Variants in MSRA observed in about 807,000 individuals in gnomAD.
MSRA encodes the protein methionine sulfoxide reductase A.
In MSRA, 54 loss-of-function variants were observed where a neutral mutation model predicts 31.3. The observed-to-expected ratio is 1.73, with a 90% CI of 1.39 to 2.17. MSRA has a LOEUF of 2.17. Ranked by LOEUF, MSRA falls within the 30% of genes most tolerant of loss-of-function variation. MSRA has a pLI of 0.00. For synonymous variants in MSRA, 169 were observed against 116.5 expected (o/e 1.45, Z -2.90); for missense variants, 507 against 300.9 (o/e 1.69, Z -5.07).
At chr8:10,418,391 G>A (rs555538628) in intron 5 of MSRA, among the ~76,000 whole-genome samples, 2 of 152,236 alleles carry the variant, frequency 1.3e-5, no homozygotes, top group South Asian at 2.1e-4. Flanking sequence ...AATATGCACC[G>A]CTGAGTGGAT....
intron 1 of MSRA, among the ~76,000 whole-genome samples, chr8:10,057,993 C>G (rs1025954693): frequency 1.3e-5 from 2 of 152,132 alleles, no homozygotes; most frequent in Non-Finnish European, 2.9e-5. Flanking sequence ...TGAATCTTAC[C>G]TTTTTATAGA....
At chr8:10,332,741 T>C (rs1802778669) in intron 5 of MSRA, among the ~76,000 whole-genome samples, 1 of 152,210 alleles carries the variant, frequency 6.6e-6, no homozygotes, top group Non-Finnish European at 1.5e-5. Context: ...GATTGCCCTT[T>C]CTTGCACTGT....
intron 5 of MSRA, among the ~76,000 whole-genome samples, chr8:10,366,669 C>G (rs911499050): frequency 2.6e-5 from 4 of 152,188 alleles, no homozygotes; most frequent in African/African-American, 7.2e-5. Context: ...GTAACAGTAC[C>G]TGCTACACTG....
At chr8:10,315,298 C>G (rs1773542360) in intron 4 of MSRA, among the ~76,000 whole-genome samples, 1 of 152,128 alleles carries the variant, frequency 6.6e-6, no homozygotes, top group Non-Finnish European at 1.5e-5. Context: ...CTGAATGTGT[C>G]CGTGTGCTAA....
intron 1 of MSRA, among the ~76,000 whole-genome samples, chr8:10,128,232 A>G (rs1365728927): frequency 6.6e-6 from 1 of 152,130 alleles, no homozygotes; most frequent in East Asian, 1.9e-4. Context: ...TCAAAACATT[A>G]GCCAGGCGTG....
At chr8:10,218,529 T>TCTGCAGAAC (rs1810206192) in intron 2 of MSRA, among the ~76,000 whole-genome samples, 1 of 152,222 alleles carries the variant, frequency 6.6e-6, no homozygotes, top group Non-Finnish European at 1.5e-5. Flanking sequence ...TGCAAGATAT[T>TCTGCAGAAC]CTAATTCTAG....
intron 5 of MSRA, among the ~76,000 whole-genome samples, chr8:10,324,939 A>G (rs1802275475): frequency 6.6e-6 from 1 of 152,220 alleles, no homozygotes; most frequent in African/African-American, 2.4e-5. Context: ...ACTGTGTGCC[A>G]GGGCAGGAGG....
intron 5 of MSRA, among the ~76,000 whole-genome samples, chr8:10,419,361 C>T (rs1405523914): frequency 6.6e-6 from 1 of 152,168 alleles, no homozygotes; most frequent in Non-Finnish European, 1.5e-5. Context: ...TTGAGTAAGG[C>T]ATGTGAATTT....
intron 1 of MSRA, among the ~76,000 whole-genome samples, chr8:10,076,560 C>T (rs814411): frequency 0.22 from 32,966 of 152,100 alleles, 3,719 homozygotes; most frequent in Admixed American, 0.27. Context: ...TACGCAGCTT[C>T]CATTCCCATC....
intron 3 of MSRA, among the ~76,000 whole-genome samples, chr8:10,294,393 C>A (rs141138438): frequency 6.6e-6 from 1 of 152,134 alleles, no homozygotes; most frequent in Non-Finnish European, 1.5e-5. Context: ...AAATGCCTCC[C>A]GTGGAGTTTT....
intron 5 of MSRA, among the ~76,000 whole-genome samples, chr8:10,388,063 C>G (rs544452719): frequency 6.6e-6 from 1 of 152,228 alleles, no homozygotes; most frequent in South Asian, 2.1e-4. Context: ...TAACAAAAGA[C>G]AATTAACAAA....
At chr8:10,075,353 A>C (rs371691782) in intron 1 of MSRA, among the ~76,000 whole-genome samples, 2 of 152,224 alleles carry the variant, frequency 1.3e-5, no homozygotes, top group South Asian at 2.1e-4. Context: ...TATTAATATT[A>C]ATGAATGTCA....
chr8:10,063,761 C>G (rs561832656), intron 1 of MSRA, among the ~76,000 whole-genome samples: 234 of 152,318 alleles, frequency 1.5e-3, no homozygotes, highest in Middle Eastern at 3.4e-3. Context: ...CCTGCTAGCG[C>G]TTTGATCTTG....
At chr8:10,240,535 A>C (rs1477764162) in intron 2 of MSRA, among the ~76,000 whole-genome samples, 3 of 152,018 alleles carry the variant, frequency 2.0e-5, no homozygotes, top group African/African-American at 4.8e-5. Flanking sequence ...AGAGATCTTC[A>C]TGCTGCATAC....
At chr8:10,218,440 C>T (rs963584097) in intron 2 of MSRA, among the ~76,000 whole-genome samples, 3 of 152,122 alleles carry the variant, frequency 2.0e-5, no homozygotes, top group Admixed American at 6.6e-5. Flanking sequence ...CCACTGCGCC[C>T]GGCCCTGGTT....
intron 3 of MSRA, among the ~76,000 whole-genome samples, chr8:10,300,471 G>C (rs981193048): frequency 6.6e-6 from 1 of 152,026 alleles, no homozygotes; most frequent in African/African-American, 2.4e-5. Context: ...GGCCAGGCTG[G>C]TCTTGAACTC....
intron 5 of MSRA, among the ~76,000 whole-genome samples, chr8:10,416,839 T>C (rs1349248415): frequency 6.6e-6 from 1 of 152,208 alleles, no homozygotes; most frequent in Non-Finnish European, 1.5e-5. Context: ...TGAAACAAAC[T>C]CATTCCTTCC....
chr8:10,138,123 G>A (rs141781027), intron 1 of MSRA, among the ~76,000 whole-genome samples: 49 of 152,282 alleles, frequency 3.2e-4, no homozygotes, highest in Non-Finnish European at 6.0e-4. Context: ...TTTCTGGATT[G>A]TTTTGTTCAG....
At chr8:10,160,928 A>G (rs775469781) in intron 1 of MSRA, among the ~76,000 whole-genome samples, 9 of 152,274 alleles carry the variant, frequency 5.9e-5, no homozygotes, top group Non-Finnish European at 1.2e-4. Flanking sequence ...GCAAGTAATT[A>G]TGACTGCATT....
Sources: allele counts gnomAD v4.1 joint callset (sites outside exome capture counted in the v4.1 genomes callset), GRCh38; gene constraint gnomAD v4.1.1; transcripts MANE v1.5; gene names NCBI Gene and HGNC (gene_info 2026-07-23, HGNC 2026-07-21).